Variants in GRIA1 observed in about 807,000 individuals in gnomAD.
GRIA1 encodes glutamate ionotropic receptor AMPA type subunit 1.
GRIA1 carries 31 observed loss-of-function variants against 99.2 expected under a neutral mutation model. That is an observed-to-expected ratio of 0.31 (90% confidence interval 0.23 to 0.42). The LOEUF is 0.42. Among genes scored for constraint, GRIA1 ranks in the 10% least tolerant of loss-of-function variants. GRIA1 has a pLI of 1.00. For missense variants in GRIA1, 782 were observed against 1,157.5 expected, an observed-to-expected ratio of 0.68 and a Z score of 4.71; for synonymous variants, 438 against 432.4, an observed-to-expected ratio of 1.01 and a Z score of -0.16.
chr5:153,550,886 T>C (rs1467674621), intron 2 of GRIA1, among the ~76,000 whole-genome samples: 1 of 152,190 alleles, frequency 6.6e-6, no homozygotes, highest in African/African-American at 2.4e-5. Flanking sequence ...TATTCTTTTT[T>C]ATTATGATGA....
intron 2 of GRIA1, among the ~76,000 whole-genome samples, chr5:153,615,344 A>G (rs1432688508): frequency 1.3e-5 from 2 of 152,200 alleles, no homozygotes; most frequent in Non-Finnish European, 2.9e-5. Context: ...AACCACCACA[A>G]TGAATAAAAG....
chr5:153,489,846 C>A (rs1225247871), upstream of GRIA1: 1 of 456,576 alleles, frequency 2.2e-6, no homozygotes, highest in Non-Finnish European at 4.4e-6. Context: ...GTGTAAGTAT[C>A]CTTAGTCTTT....
intron 11 of GRIA1, among the ~76,000 whole-genome samples, chr5:153,729,252 G>T (rs557067884): frequency 6.6e-6 from 1 of 150,632 alleles, no homozygotes. Context: ...GGAGAGGGGG[G>T]AGCGATAGCA....
chr5:153,664,690 G>A (rs1465389770), intron 5 of GRIA1, among the ~76,000 whole-genome samples: 1 of 152,138 alleles, frequency 6.6e-6, no homozygotes, highest in Non-Finnish European at 1.5e-5. Flanking sequence ...ACATTTCTAT[G>A]TATAGCATGG....
chr5:153,783,289 T>G (rs1212499413), intron 13 of GRIA1, among the ~76,000 whole-genome samples: 1 of 152,192 alleles, frequency 6.6e-6, no homozygotes, highest in Non-Finnish European at 1.5e-5. Flanking sequence ...CTCCCTCCAT[T>G]AATTGCGGGG....
At chr5:153,697,858 A>C (rs1254898466) in intron 8 of GRIA1, among the ~76,000 whole-genome samples, 186 bp from the exon 9 acceptor site, 1 of 152,168 alleles carries the variant, frequency 6.6e-6, no homozygotes, top group Non-Finnish European at 1.5e-5. Flanking sequence ...TGGGAGCAAA[A>C]TTGGGGGCAC....
At chr5:153,698,236 G>A (rs1758256967) in intron 9 of GRIA1, 82 bp downstream of exon 9, 1 of 733,784 alleles carries the variant, frequency 1.4e-6, no homozygotes, top group East Asian at 2.6e-5. Context: ...CTGAAAGCTG[G>A]CCTTTCTTCT....
intron 8 of GRIA1, among the ~76,000 whole-genome samples, chr5:153,691,865 G>T (rs949103759): frequency 6.6e-6 from 1 of 152,106 alleles, no homozygotes; most frequent in East Asian, 1.9e-4. Flanking sequence ...ACCACAAGAC[G>T]AGGACAATAA....
intron 5 of GRIA1, among the ~76,000 whole-genome samples, chr5:153,667,098 C>T (rs1377660408): frequency 6.6e-6 from 1 of 152,208 alleles, no homozygotes; most frequent in Admixed American, 6.5e-5. Context: ...TTTGGGGAAA[C>T]TTGGCATGTT....
At chr5:153,620,471 G>C (rs1766932643) in intron 2 of GRIA1, among the ~76,000 whole-genome samples, 1 of 152,268 alleles carries the variant, frequency 6.6e-6, no homozygotes, top group South Asian at 2.1e-4. Context: ...CCTCTGGTCA[G>C]TTGGAAGCGG....
chr5:153,756,928 G>A (rs1762871716), intron 11 of GRIA1, among the ~76,000 whole-genome samples: 1 of 152,114 alleles, frequency 6.6e-6, no homozygotes, highest in Non-Finnish European at 1.5e-5. Flanking sequence ...CAAGCATTAA[G>A]AACAATCTTG....
At chr5:153,535,806 C>A (rs1758515007) in intron 2 of GRIA1, among the ~76,000 whole-genome samples, 1 of 152,210 alleles carries the variant, frequency 6.6e-6, no homozygotes, top group Non-Finnish European at 1.5e-5. Flanking sequence ...AGAAAGAGAC[C>A]AAGAGACTTT....
intron 2 of GRIA1, among the ~76,000 whole-genome samples, chr5:153,611,078 A>G (rs2149409257): frequency 6.6e-6 from 1 of 152,256 alleles, no homozygotes; most frequent in East Asian, 1.9e-4. Flanking sequence ...GACTCCTAGG[A>G]TTTGCCCACA....
intron 13 of GRIA1, among the ~76,000 whole-genome samples, chr5:153,778,516 A>G (rs1488497128): frequency 1.3e-5 from 2 of 152,108 alleles, no homozygotes; most frequent in African/African-American, 4.8e-5. Flanking sequence ...TTTCACCTTC[A>G]TCACATAATT....
At chr5:153,780,943 T>C (rs1407639897) in intron 13 of GRIA1, among the ~76,000 whole-genome samples, 2 of 152,002 alleles carry the variant, frequency 1.3e-5, no homozygotes, top group Non-Finnish European at 2.9e-5. Context: ...TTCCTCTATA[T>C]GCCTGAAGGT....
chr5:153,794,151 A>G (rs1054780749), intron 13 of GRIA1, among the ~76,000 whole-genome samples: 1 of 152,144 alleles, frequency 6.6e-6, no homozygotes, highest in African/African-American at 2.4e-5. Context: ...GTCTACTGTG[A>G]TGTGAGAAAC....
At chr5:153,760,193 T>C (rs1330275319) in intron 11 of GRIA1, among the ~76,000 whole-genome samples, 2 of 151,946 alleles carry the variant, frequency 1.3e-5, no homozygotes, top group Non-Finnish European at 2.9e-5. Flanking sequence ...AGTCCTAGCC[T>C]GAGCAATCAG....
chr5:153,695,032 T>C (rs1391342858), intron 8 of GRIA1, among the ~76,000 whole-genome samples: 2 of 152,116 alleles, frequency 1.3e-5, no homozygotes, highest in Non-Finnish European at 2.9e-5. Flanking sequence ...ATAAATCATA[T>C]TTGACAGATA....
intron 5 of GRIA1, 116 bp from the exon 6 acceptor site, chr5:153,674,384 C>G (rs1400505651): frequency 8.9e-7 from 1 of 1,120,274 alleles, no homozygotes; most frequent in Non-Finnish European, 1.3e-6. Flanking sequence ...AACTGTCTCT[C>G]CATTGAGTAG....
Sources: gnomAD v4.1 joint callset for allele counts (sites outside exome capture counted in the v4.1 genomes callset) on GRCh38, gnomAD v4.1.1 for gene constraint, MANE v1.5 for transcripts, NCBI Gene and HGNC (gene_info 2026-07-23, HGNC 2026-07-21) for gene names.